PALM2AKAP2: variants seen among roughly 807,000 people sequenced by gnomAD.
PALM2AKAP2 encodes PALM2 and AKAP2 fusion.
A neutral mutation model predicts 71.5 loss-of-function variants in PALM2AKAP2; 37 were observed. The observed-to-expected ratio is 0.52, with a 90% CI of 0.40 to 0.68. The LOEUF (loss-of-function observed/expected upper bound fraction) is 0.68, where lower values mean the gene tolerates loss of function less well. PALM2AKAP2 is among the 30% of genes least tolerant of loss of function. PALM2AKAP2 has a pLI of 0.00. For synonymous variants in PALM2AKAP2, 468 were observed against 478.8 expected (o/e 0.98, Z 0.29); for missense variants, 1,224 against 1,191.8 (o/e 1.03, Z -0.40).
intron 6 of PALM2AKAP2, among the ~76,000 whole-genome samples, chr9:109,959,286 T>C (rs932052438): frequency 1.3e-5 from 2 of 152,194 alleles, no homozygotes; most frequent in African/African-American, 4.8e-5. Context: ...CTTTAATAGC[T>C]CTGTGTCTTT....
At chr9:109,796,671 A>ATCTTACG (rs140954708) in intron 1 of PALM2AKAP2, among the ~76,000 whole-genome samples, 10,887 of 152,240 alleles carry the variant, frequency 0.072, 536 homozygotes, top group South Asian at 0.11. Context: ...AAGCAGGCAC[A>ATCTTACG]TCTTACGTGG....
intron 1 of PALM2AKAP2, among the ~76,000 whole-genome samples, chr9:109,745,059 C>A (rs1308579824): frequency 6.6e-6 from 1 of 152,236 alleles, no homozygotes; most frequent in African/African-American, 2.4e-5. Flanking sequence ...GCATTTAAAT[C>A]AACCTCAACA....
intron 3 of PALM2AKAP2, among the ~76,000 whole-genome samples, chr9:109,897,849 T>G (rs1830238396): frequency 6.6e-6 from 1 of 152,222 alleles, no homozygotes; most frequent in Non-Finnish European, 1.5e-5. Flanking sequence ...CTTTTGTGTC[T>G]CATATTGTTC....
intron 6 of PALM2AKAP2, among the ~76,000 whole-genome samples, chr9:109,955,512 A>G (rs181554613): frequency 1.2e-4 from 18 of 152,370 alleles, no homozygotes; most frequent in African/African-American, 1.7e-4. Context: ...CCTTCTTAGC[A>G]AAAATAACAA....
In PALM2AKAP2 at chr9:109,800,147, G is replaced by A. The variant is rs1827381997; in HGVS notation, c.45+19614G>A. On this transcript the variant is annotated intron_variant, in intron 1 of 9. Coordinates refer to the PALM2AKAP2 transcript ENST00000302798. ...CAGCACCTCCCATGTGCCAGTATAA[G>A]GTTTACTGATTTGAAAAGAGGATGG... Among the ~76,000 whole-genome samples, 3 of 152,218 alleles carry A rather than the reference G, an allele frequency of 2.0e-5. No individual in the cohort carries two copies. In the South Asian group the frequency reaches 6.2e-4, roughly 32 times the overall value.
intron 1 of PALM2AKAP2, among the ~76,000 whole-genome samples, chr9:109,715,692 A>G (rs1168281843): frequency 2.6e-5 from 4 of 152,198 alleles, no homozygotes; most frequent in Admixed American, 2.6e-4. Flanking sequence ...TCCTTCTGAA[A>G]GGACTTTCTG....
At chr9:110,055,181 T>A (rs189844076) in intron 1 of PALM2AKAP2, among the ~76,000 whole-genome samples, 118 of 151,614 alleles carry the variant, frequency 7.8e-4, no homozygotes, top group South Asian at 2.7e-3. Flanking sequence ...TTTTTTTTTT[T>A]AAATTTTTAT....
intron 6 of PALM2AKAP2, among the ~76,000 whole-genome samples, chr9:109,986,154 T>C (rs1459536369): frequency 6.6e-6 from 1 of 152,206 alleles, no homozygotes. Context: ...CTTGGTATAG[T>C]GTGTTCCTTG....
At chr9:110,117,390 G>C (rs1269685313) in intron 1 of PALM2AKAP2, among the ~76,000 whole-genome samples, 1 of 152,128 alleles carries the variant, frequency 6.6e-6, no homozygotes, top group Non-Finnish European at 1.5e-5. Flanking sequence ...CTCCCCAAGT[G>C]CTGGGATTAC....
intron 6 of PALM2AKAP2, among the ~76,000 whole-genome samples, chr9:109,953,255 T>G (rs1031781142): frequency 3.3e-5 from 5 of 152,164 alleles, no homozygotes; most frequent in African/African-American, 1.2e-4. Context: ...AGGAATTAGA[T>G]GAGAAAATTA....
rs539761918 is a variant in PALM2AKAP2 at position 110,086,135 on chromosome 9, A to G, written c.156+37280A>G. On this transcript the variant is annotated intron_variant, in intron 1 of 3. Coordinates refer to ENST00000374525, the Ensembl canonical transcript of PALM2AKAP2. The stretch of plus-strand genomic sequence containing the variant: ...AAAAAAAAAAAAAAGAAATAACTAC[A>G]AAGAGTTGCAAGTGGTATAAGACTG... Among the ~76,000 whole-genome samples the G allele has an allele frequency of 3.9e-5, 6 of 152,054 alleles. No homozygotes were observed. In the East Asian group the frequency reaches 1.2e-3, roughly 29 times the overall value.
At chr9:109,741,499 G>A (rs1288945652) in intron 1 of PALM2AKAP2, among the ~76,000 whole-genome samples, 1 of 152,164 alleles carries the variant, frequency 6.6e-6, no homozygotes, top group Admixed American at 6.5e-5. Flanking sequence ...TGGGTCATAG[G>A]GCGACAGATG....
At chr9:109,890,326 G>C (rs1279045552) in intron 3 of PALM2AKAP2, among the ~76,000 whole-genome samples, 2 of 152,112 alleles carry the variant, frequency 1.3e-5, no homozygotes, top group South Asian at 4.1e-4. Context: ...GAAGAGTACT[G>C]TGGGACCCGA....
At chr9:109,709,703 T>G (rs1828202837) in intron 1 of PALM2AKAP2, among the ~76,000 whole-genome samples, 1 of 152,124 alleles carries the variant, frequency 6.6e-6, no homozygotes, top group African/African-American at 2.4e-5. Context: ...AAGCCCAGAC[T>G]GATGGACACA....
intron 1 of PALM2AKAP2, among the ~76,000 whole-genome samples, chr9:109,690,847 G>GT (rs1827872402): frequency 6.6e-6 from 1 of 152,098 alleles, no homozygotes; most frequent in Non-Finnish European, 1.5e-5. Flanking sequence ...AATTTTACAT[G>GT]TTTTTTGTTC....
At chr9:110,150,130 G>A (rs1446980425) in intron 2 of PALM2AKAP2, among the ~76,000 whole-genome samples, 1 of 152,214 alleles carries the variant, frequency 6.6e-6, no homozygotes, top group African/African-American at 2.4e-5. Context: ...ATATCAGACA[G>A]CTTCTCTCCC....
At chr9:109,872,305 A>G (rs768165001) in intron 2 of PALM2AKAP2, among the ~76,000 whole-genome samples, 12 of 152,172 alleles carry the variant, frequency 7.9e-5, no homozygotes, top group African/African-American at 2.7e-4. Context: ...ATCAGCTACT[A>G]TATCATACTA....
intron 3 of PALM2AKAP2, among the ~76,000 whole-genome samples, chr9:110,160,201 G>C (rs1323643236): frequency 1.3e-5 from 2 of 152,204 alleles, no homozygotes; most frequent in African/African-American, 4.8e-5. Context: ...ACACATTTGG[G>C]GGGTAGAGTA....
intron 7 of PALM2AKAP2, among the ~76,000 whole-genome samples, chr9:110,040,199 A>G (rs1330124489): frequency 6.6e-6 from 1 of 152,206 alleles, no homozygotes; most frequent in African/African-American, 2.4e-5. Context: ...TATGTTGGCC[A>G]TGGTCCCAAT....
Sources: allele counts gnomAD v4.1 joint callset (sites outside exome capture counted in the v4.1 genomes callset), GRCh38; gene constraint gnomAD v4.1.1; transcripts MANE v1.5; gene names NCBI Gene and HGNC (gene_info 2026-07-23, HGNC 2026-07-21).